Variants in MEF2A observed in about 807,000 individuals in gnomAD.
The protein encoded by MEF2A is myocyte-specific enhancer factor 2A.
A neutral mutation model predicts 55.8 loss-of-function variants in MEF2A; 28 were observed. That is an observed-to-expected ratio of 0.50 (90% confidence interval 0.37 to 0.69). MEF2A has a LOEUF of 0.69. Ranked by LOEUF, MEF2A falls within the 30% of genes least tolerant of loss-of-function variation. The pLI is 0.00. For missense variants in MEF2A, 528 were observed against 626.2 expected, an observed-to-expected ratio of 0.84 and a Z score of 1.67; for synonymous variants, 239 against 227.1, an observed-to-expected ratio of 1.05 and a Z score of -0.47.
chr15:99,568,220 T>C (rs1960590189), intron 1 of MEF2A, among the ~76,000 whole-genome samples: 1 of 152,328 alleles, frequency 6.6e-6, no homozygotes, highest in Non-Finnish European at 1.5e-5. Context: ...GAAAATAGCT[T>C]ATTGACACCC....
chr15:99,646,026 A>C (rs185120446), intron 4 of MEF2A, among the ~76,000 whole-genome samples: 17 of 152,286 alleles, frequency 1.1e-4, no homozygotes, highest in Admixed American at 8.5e-4. Flanking sequence ...ATGATTACTT[A>C]TTTTGTATGA....
chr15:99,621,904 A>G (rs945642955), intron 2 of MEF2A, among the ~76,000 whole-genome samples: 3 of 152,220 alleles, frequency 2.0e-5, no homozygotes, highest in Non-Finnish European at 2.9e-5. Flanking sequence ...AGTCATCAAA[A>G]TGGGGTGTTC....
At chr15:99,621,267 A>G (rs1048717432) in intron 2 of MEF2A, among the ~76,000 whole-genome samples, 1 of 152,208 alleles carries the variant, frequency 6.6e-6, no homozygotes. Context: ...TGGCTACAGT[A>G]TTGTAGGGAC....
intron 7 of MEF2A, among the ~76,000 whole-genome samples, chr15:99,679,950 CTA>C (rs375365918): frequency 5.3e-5 from 8 of 152,280 alleles, no homozygotes; most frequent in African/African-American, 1.9e-4. Flanking sequence ...CATGCACAAA[CTA>C]GAGGTAGCCT....
intron 7 of MEF2A, among the ~76,000 whole-genome samples, chr15:99,678,093 T>C (rs1180827737): frequency 6.6e-6 from 1 of 152,214 alleles, no homozygotes; most frequent in African/African-American, 2.4e-5. Flanking sequence ...AAAAGACTAA[T>C]AAAATGGAAT....
At chr15:99,679,719 A>T (rs1014113350) in intron 7 of MEF2A, among the ~76,000 whole-genome samples, 7 of 152,214 alleles carry the variant, frequency 4.6e-5, no homozygotes, top group Non-Finnish European at 1.0e-4. Flanking sequence ...ATAAATCCTT[A>T]ACCTATACGT....
chr15:99,609,086 T>C (rs1185626091), intron 2 of MEF2A, among the ~76,000 whole-genome samples: 1 of 152,174 alleles, frequency 6.6e-6, no homozygotes, highest in Non-Finnish European at 1.5e-5. Flanking sequence ...TGGCTTCTGC[T>C]ACAGTTAAGG....
intron 4 of MEF2A, among the ~76,000 whole-genome samples, chr15:99,661,943 G>A (rs1017605864): frequency 1.3e-5 from 2 of 151,802 alleles, no homozygotes; most frequent in Non-Finnish European, 1.5e-5. Context: ...ACAGTATTTA[G>A]TGAAAATGAG....
intron 1 of MEF2A, among the ~76,000 whole-genome samples, chr15:99,588,586 G>A (rs190722576): frequency 6.6e-6 from 1 of 151,692 alleles, no homozygotes; most frequent in East Asian, 2.0e-4. Flanking sequence ...GATTACAGGT[G>A]TGAGCCACTG....
intron 5 of MEF2A, among the ~76,000 whole-genome samples, chr15:99,674,000 C>T (rs2051397371): frequency 6.6e-6 from 1 of 151,968 alleles, no homozygotes; most frequent in African/African-American, 2.4e-5. Flanking sequence ...TGGGATCTCT[C>T]AGTAGAAATG....
chr15:99,660,437 C>T (rs1036407032), intron 4 of MEF2A, among the ~76,000 whole-genome samples: 1 of 152,308 alleles, frequency 6.6e-6, no homozygotes, highest in African/African-American at 2.4e-5. Flanking sequence ...ATGCAGGCTG[C>T]TTCCAGGTGT....
At chr15:99,670,909 G>T (rs1284982282) in intron 4 of MEF2A, among the ~76,000 whole-genome samples, 1 of 152,220 alleles carries the variant, frequency 6.6e-6, no homozygotes, top group African/African-American at 2.4e-5. Flanking sequence ...AATACGTGAA[G>T]TTGCTGAAAT....
At chr15:99,618,033 G>A (rs911065459) in intron 2 of MEF2A, among the ~76,000 whole-genome samples, 2 of 152,142 alleles carry the variant, frequency 1.3e-5, no homozygotes, top group Non-Finnish European at 1.5e-5. Context: ...GTAGTCAGAA[G>A]CCCCACAGAC....
intron 2 of MEF2A, among the ~76,000 whole-genome samples, chr15:99,622,702 C>CTTTTTTTTTTTT (rs56054040): frequency 9.6e-5 from 13 of 135,698 alleles, no homozygotes; most frequent in Non-Finnish European, 1.6e-4. Context: ...GTTTTCTTTT[C>CTTTTTTTTTTTT]TTTTTTTTTT....
chr15:99,703,700 A>C (rs1239301831), intron 9 of MEF2A, among the ~76,000 whole-genome samples: 1 of 152,166 alleles, frequency 6.6e-6, no homozygotes, highest in Non-Finnish European at 1.5e-5. Context: ...TAGCTCTCCA[A>C]ATTATTGAAA....
chr15:99,640,379 A>G (rs758872622), intron 3 of MEF2A, among the ~76,000 whole-genome samples: 14 of 151,996 alleles, frequency 9.2e-5, no homozygotes, highest in Non-Finnish European at 1.5e-4. Flanking sequence ...TTCTTGGCAA[A>G]TTTTGCAATA....
chr15:99,712,807 G>A lies in MEF2A; in HGVS notation c.*36G>A, dbSNP rs1333824358. On this transcript the variant is annotated 3_prime_UTR_variant, in exon 12 of 12. Transcript: ENST00000557942. This position sits in a 1 kb window ranked among gnomAD's most constrained non-coding sequence, Gnocchi z 4.1. ...CTGATGTTTGTACTTTTGTGTTACT[G>A]CAGTGACCTGCCCTACATATCTAAA... 6.5e-7 allele frequency: 1 copy of A among 1,541,446 alleles called. No individual in the cohort carries two copies. Among genetic ancestry groups the A allele is most frequent in the East Asian group, 2.4e-5 (1 of 40,840 alleles).
intron 2 of MEF2A, among the ~76,000 whole-genome samples, chr15:99,622,817 C>G (rs1006683846): frequency 1.2e-4 from 18 of 151,412 alleles, no homozygotes; most frequent in African/African-American, 3.9e-4. Context: ...ATTCTCCTGC[C>G]TCAGCCTCCC....
rs74033750 is a variant in MEF2A, at chr15:99,644,839, G to A, written c.55-722G>A. Among the ~76,000 whole-genome samples the A allele has an allele frequency of 8.1e-3, 1,235 of 152,268 alleles. 20 individuals are homozygous for A. Among genetic ancestry groups the A allele is most frequent in the African/African-American group, 0.027 (1,121 of 41,550 alleles). Reference sequence around the variant, plus strand: ...ACTCTTGCTCACCCCAAGGAGGGTTGTTGGGTGGTATAATTTTTGTATGGC... The same window carrying A: ...ACTCTTGCTCACCCCAAGGAGGGTTATTGGGTGGTATAATTTTTGTATGGC... On this transcript the variant is annotated intron_variant, in intron 3 of 11. Coordinates refer to ENST00000557942, the MANE Select transcript of MEF2A (RefSeq NM_001319206.4).
Sources: allele counts gnomAD v4.1 joint callset (sites outside exome capture counted in the v4.1 genomes callset), GRCh38; gene constraint gnomAD v4.1.1; non-coding constraint Gnocchi (gnomAD v3.1); transcripts MANE v1.5; gene names NCBI Gene and HGNC (gene_info 2026-07-23, HGNC 2026-07-21).